SYNDIG1L: variants seen among roughly 807,000 people sequenced by gnomAD.
SYNDIG1L encodes the protein synapse differentiation-inducing gene protein 1-like.
Under a neutral mutation model 20.1 loss-of-function variants are expected in SYNDIG1L, and 13 were observed. The observed-to-expected ratio is 0.65, with a 90% CI of 0.42 to 1.03. The LOEUF (loss-of-function observed/expected upper bound fraction) is 1.03. SYNDIG1L is among the 50% of genes least tolerant of loss of function. The pLI, the probability that SYNDIG1L is intolerant of heterozygous loss-of-function variation, is 0.00. For synonymous variants in SYNDIG1L, 128 were observed against 129.3 expected, an observed-to-expected ratio of 0.99 and a Z score of 0.07; for missense variants, 294 against 305.1, an observed-to-expected ratio of 0.96 and a Z score of 0.27.
the SYNDIG1L span, among the ~76,000 whole-genome samples, chr14:74,459,396 C>G: frequency 6.6e-6 from 1 of 152,102 alleles, no homozygotes; most frequent in Non-Finnish European, 1.5e-5. Flanking sequence ...CCCAGCTACT[C>G]AGGAGTCTGA....
chr14:74,455,099 G>A, the SYNDIG1L span, among the ~76,000 whole-genome samples: 3 of 152,238 alleles, frequency 2.0e-5, no homozygotes, highest in Admixed American at 2.0e-4. Flanking sequence ...CAAGACTGCA[G>A]TGTCAGCTCC....
the SYNDIG1L span, among the ~76,000 whole-genome samples, chr14:74,449,885 A>G: frequency 8.5e-5 from 13 of 152,152 alleles, no homozygotes; most frequent in Non-Finnish European, 1.8e-4. Context: ...AAGTCAGAGC[A>G]GAAATTAATG....
the SYNDIG1L span, among the ~76,000 whole-genome samples, chr14:74,457,739 T>C: frequency 6.6e-6 from 1 of 152,070 alleles, no homozygotes; most frequent in Middle Eastern, 3.4e-3. Context: ...CTCTTGCCTC[T>C]CTCCAAAGCT....
chr14:74,475,542 G>A, the SYNDIG1L span, among the ~76,000 whole-genome samples: 4 of 151,830 alleles, frequency 2.6e-5, no homozygotes, highest in Non-Finnish European at 1.5e-5. Context: ...ACTGTCCTGT[G>A]GAGCAGTCCA....
chr14:74,420,390 CAA>C (rs33945889), intron 1 of SYNDIG1L, among the ~76,000 whole-genome samples: 22 of 99,240 alleles, frequency 2.2e-4, no homozygotes, highest in African/African-American at 8.5e-4. Flanking sequence ...GAGACTCTGT[CAA>C]AAAAAAAAAA....
At chr14:74,427,356 C>T (rs568749027), upstream of SYNDIG1L, among the ~76,000 whole-genome samples, 40 of 152,106 alleles carry the variant, frequency 2.6e-4, no homozygotes, top group Non-Finnish European at 4.6e-4. Flanking sequence ...ATTCCACTAG[C>T]ATCCACTAGT....
chr14:74,470,177 T>C, the SYNDIG1L span, among the ~76,000 whole-genome samples: 1 of 151,670 alleles, frequency 6.6e-6, no homozygotes, highest in African/African-American at 2.4e-5. Context: ...CCTTCCCTTT[T>C]TAAAAAAAAA....
At chr14:74,439,668 G>A in the SYNDIG1L span, among the ~76,000 whole-genome samples, 2 of 151,780 alleles carry the variant, frequency 1.3e-5, no homozygotes, top group Non-Finnish European at 2.9e-5. Flanking sequence ...ATCACCTGAG[G>A]TCGGGAGTTC....
chr14:74,452,873 A>G, the SYNDIG1L span, among the ~76,000 whole-genome samples: 1 of 152,340 alleles, frequency 6.6e-6, no homozygotes, highest in Non-Finnish European at 1.5e-5. Context: ...AATACGATAT[A>G]TCCATAGAAT....
chr14:74,439,078 C>T, the SYNDIG1L span, among the ~76,000 whole-genome samples: 7 of 147,710 alleles, frequency 4.7e-5, no homozygotes, highest in East Asian at 1.4e-3. Context: ...TGTGCCATTG[C>T]ACTCTAGCTT....
chr14:74,448,741 T>C, the SYNDIG1L span, among the ~76,000 whole-genome samples: 1 of 152,236 alleles, frequency 6.6e-6, no homozygotes, highest in African/African-American at 2.4e-5. Context: ...AAGAGAAATA[T>C]ATCTAGAAAA....
At chr14:74,435,778 G>A in the SYNDIG1L span, among the ~76,000 whole-genome samples, 2 of 152,198 alleles carry the variant, frequency 1.3e-5, no homozygotes, top group Non-Finnish European at 2.9e-5. Flanking sequence ...GGGACTTTGT[G>A]TGAGGCCACA....
chr14:74,419,119 A>G (rs181198738), intron 1 of SYNDIG1L, among the ~76,000 whole-genome samples: 38 of 152,186 alleles, frequency 2.5e-4, no homozygotes, highest in African/African-American at 8.4e-4. Context: ...CACTCACATT[A>G]GGATGCTCTA....
the SYNDIG1L span, chr14:74,480,032 T>C: frequency 6.8e-7 from 1 of 1,463,140 alleles, no homozygotes; most frequent in Non-Finnish European, 9.0e-7. Context: ...AAAAAAAAAA[T>C]TAAACATCTG....
At chr14:74,474,757 G>A in the SYNDIG1L span, 1 of 152,276 alleles carries the variant, frequency 6.6e-6, no homozygotes, top group Non-Finnish European at 1.5e-5. Flanking sequence ...CACTCAGGAT[G>A]AGGCAATGCC....
intron 1 of SYNDIG1L, among the ~76,000 whole-genome samples, chr14:74,425,046 G>T (rs2086253905): frequency 6.6e-6 from 1 of 152,166 alleles, no homozygotes; most frequent in Admixed American, 6.5e-5. Flanking sequence ...AGAAAGAAGT[G>T]GTCAGCCACA....
At chr14:74,477,830 G>A in the SYNDIG1L span, among the ~76,000 whole-genome samples, 235 of 152,300 alleles carry the variant, frequency 1.5e-3, no homozygotes, top group Non-Finnish European at 2.6e-3. Flanking sequence ...AGCATGAGAC[G>A]GTCATTGGAA....
chr14:74,472,495 G>C, the SYNDIG1L span: 3 of 152,340 alleles, frequency 2.0e-5, no homozygotes, highest in South Asian at 4.1e-4. Context: ...AGCTGTGCTG[G>C]ACAGTGGGAA....
the SYNDIG1L span, among the ~76,000 whole-genome samples, chr14:74,458,387 T>C: frequency 0.43 from 64,882 of 151,200 alleles, 13,993 homozygotes; most frequent in Non-Finnish European, 0.45. Context: ...GAAGCTGAGG[T>C]GGGTGGATCA....
Sources: gnomAD v4.1 joint callset for allele counts (sites outside exome capture counted in the v4.1 genomes callset) on GRCh38, gnomAD v4.1.1 for gene constraint, MANE v1.5 for transcripts, NCBI Gene and HGNC (gene_info 2026-07-23, HGNC 2026-07-21) for gene names.